The following WDR12 variants were observed in gnomAD, a reference collection of about 807,000 sequenced individuals.
WDR12 encodes ribosome biogenesis protein WDR12.
A neutral mutation model predicts 64.3 loss-of-function variants in WDR12; 42 were observed. The ratio of observed to expected loss-of-function variants is 0.65; its 90% CI spans 0.51 to 0.84. The LOEUF (loss-of-function observed/expected upper bound fraction) is 0.84. WDR12 is among the 40% of genes least tolerant of loss of function. The pLI is 0.00. For synonymous variants in WDR12, 158 were observed against 173.3 expected, an observed-to-expected ratio of 0.91 and a Z score of 0.70; for missense variants, 469 against 494.6, an observed-to-expected ratio of 0.95 and a Z score of 0.49.
Position 202,874,273 on chromosome 2 carries a change from T to C in WDR12, c.*6587A>G, listed in dbSNP as rs1309526053. Among the ~76,000 whole-genome samples the C allele has an allele frequency of 6.6e-6, 1 of 152,218 alleles. No homozygotes were observed. The highest frequency in any genetic ancestry group is 1.9e-4 in the East Asian group (1 of 5,194). On this transcript the variant is annotated 3_prime_UTR_variant, in exon 13 of 13. Transcript: ENST00000261015. ...ACCTTTAAAGTACTTTTAAATTTCA[T>C]TTAGAAGTACATTTACTGAACTGTT...
chr2:202,887,368 A>G (rs992682132), intron 8 of WDR12, among the ~76,000 whole-genome samples: 2 of 152,160 alleles, frequency 1.3e-5, no homozygotes, highest in African/African-American at 4.8e-5. Flanking sequence ...TTATAATTGT[A>G]AAAACCATCC....
At chr2:202,908,514 G>A (rs72936839) in intron 1 of WDR12, among the ~76,000 whole-genome samples, 13,455 of 152,256 alleles carry the variant, frequency 0.088, 737 homozygotes, top group Non-Finnish European at 0.12. Context: ...AAGAAGCAGT[G>A]TGGACGAAAC....
At chr2:202,893,730 T>C (rs977233996) in intron 7 of WDR12, among the ~76,000 whole-genome samples, 9 of 152,198 alleles carry the variant, frequency 5.9e-5, no homozygotes, top group African/African-American at 1.2e-4. Flanking sequence ...TAAGTATCTA[T>C]GGGTGTGTGT....
At chr2:202,897,445 A>C in intron 4 of WDR12, 30 bp from the exon 5 acceptor site, 1 of 1,365,372 alleles carries the variant, frequency 7.3e-7, no homozygotes, top group Non-Finnish European at 1.0e-6. Flanking sequence ...TATGAAACAC[A>C]AAAAGCAGTT....
chr2:202,881,617 CAA>C (rs1298273860), intron 12 of WDR12, among the ~76,000 whole-genome samples: 2 of 152,000 alleles, frequency 1.3e-5, no homozygotes, highest in African/African-American at 2.4e-5. Flanking sequence ...CACGTCTCTA[CAA>C]AAAATTTAAA....
At chr2:202,899,497 C>CA (rs551695735) in intron 4 of WDR12, 34 bp downstream of exon 4, 516 of 1,581,650 alleles carry the variant, frequency 3.3e-4, no homozygotes, top group African/African-American at 3.2e-3. Context: ...AAAAACAAAA[C>CA]AAAAAAAAGA....
At chr2:202,880,982 AATT>A in intron 12 of WDR12, 45 bp from the exon 13 acceptor site, 1 of 1,487,266 alleles carries the variant, frequency 6.7e-7, no homozygotes, top group Non-Finnish European at 9.2e-7. Context: ...AAATAAATAT[AATT>A]ATTTCACATC....
chr2:202,894,653 G>T, intron 6 of WDR12, 27 bp from the exon 7 acceptor site: 1 of 1,577,894 alleles, frequency 6.3e-7, no homozygotes, highest in Non-Finnish European at 8.6e-7. Context: ...GAAGGGAAAA[G>T]ACATATGTAA....
Position 202,882,770 on chromosome 2 carries a change from G to C in WDR12, c.1135C>G (p.Leu379Val), listed in dbSNP as rs1235995605. 29 of 1,613,914 alleles carry C rather than the reference G, an allele frequency of 1.8e-5. No individual in the cohort carries two copies. In the East Asian group the frequency reaches 5.8e-4, roughly 32 times the overall value. ...TCTTCATGAGCAGCCAGATCATAGA[G>C]AGGAGCCTTACAACTAAAAGATGAA... ...LWDTRSCKAP[L>V]YDLAAHEDKV... Residue 379 changes from leucine (L) to valine (V), a missense_variant, in exon 12 of 13, where the codon CTC becomes GTC. By Grantham distance (32) the Leu-to-Val change is conservative. Coordinates refer to ENST00000261015, the MANE Select transcript of WDR12 (RefSeq NM_018256.4).
rs1287711001 is a variant in WDR12, at chr2:202,877,107, TATATATA to T, written c.*3746_*3752del. The T allele has an allele frequency of 1.5e-4, 12 of 78,278 alleles. No homozygotes were observed. Among genetic ancestry groups the T allele is most frequent in the African/African-American group, 4.4e-4 (12 of 27,466 alleles). 4.8% of individuals were successfully genotyped at this position (78,278 alleles called of 1,614,324 possible). A position where few individuals can be genotyped will look rare whatever the true frequency, so the allele number is the denominator to read the frequency against. Reference sequence around the variant, plus strand: ...CAGAAATTCCCAGATGGTATATATATATATATATTTTTTTTTTTGCAGGGTTGCTTGT... The same window carrying T: ...CAGAAATTCCCAGATGGTATATATATTTTTTTTTTTTGCAGGGTTGCTTGT... On this transcript the variant is annotated 3_prime_UTR_variant, in exon 13 of 13. Coordinates refer to ENST00000261015, the MANE Select transcript of WDR12 (RefSeq NM_018256.4).
rs1372251262 is a variant in WDR12 at position 202,892,619 on chromosome 2, T to C, written c.739A>G (p.Arg247Gly). 1.2e-6 allele frequency: 2 copies of C among 1,611,758 alleles called. No homozygotes were observed. The highest frequency in any genetic ancestry group is 2.7e-5 in the African/African-American group (2 of 74,874). ...AGTCAGTTCTCACAAATACTGACCC[T>C]TGTTAGTCCCAACTGTTCTGTCTTC... is the stretch of plus-strand genomic sequence containing the variant. ...KQKTEQLGLT[R>G]TPIVTLSGHM... The change falls in exon 8 of 13, where the codon AGG (arginine) becomes GGG (glycine). Residue 247 changes from arginine (R) to glycine (G), a missense_variant and splice_region_variant. Arg to Gly is a moderately radical substitution (Grantham distance 125, BLOSUM62 -2). Coordinates refer to ENST00000261015, the MANE Select transcript of WDR12 (RefSeq NM_018256.4).
intron 2 of WDR12, 137 bp downstream of exon 2, chr2:202,907,728 A>G: frequency 1.6e-6 from 1 of 639,726 alleles, no homozygotes; most frequent in Admixed American, 2.7e-5. Context: ...CCAGCAGAAG[A>G]ACCTGTACTT....
rs949590032 is a variant in WDR12, at chr2:202,907,866, A to G, written c.135T>C (p.Asn45=). 6.8e-6 allele frequency: 11 copies of G among 1,611,758 alleles called. No individual in the cohort carries two copies. The Admixed American group carries it at 1.7e-4, about 24-fold the overall frequency. The change falls in exon 2 of 13, where the codon AAT becomes AAC. Residue 45 remains asparagine, a splice_region_variant and synonymous_variant. Coordinates refer to ENST00000261015, the MANE Select transcript of WDR12 (RefSeq NM_018256.4). ...NIINKLLKDK[N]EFHKHVEFDF... The stretch of plus-strand genomic sequence containing the variant: ...CCTCTCCTAAGCATATATACCCACC[A>G]TTTTTGTCCTTTAGTAGTTTATTGA...
rs546866537 is a variant in WDR12, at chr2:202,893,739, G to A, written c.655+842C>T. 8.5e-5 allele frequency among the ~76,000 whole-genome samples: 13 copies of A among 152,188 alleles called. No homozygotes were observed. The South Asian group carries it at 2.7e-3, about 32-fold the overall frequency. ...AAAATGTAAGTATCTATGGGTGTGT[G>A]TTTTTTCCTCTTTTCTTCTCATCAG... On this transcript the variant is annotated intron_variant, in intron 7 of 12. Coordinates refer to ENST00000261015, the MANE Select transcript of WDR12 (RefSeq NM_018256.4).
At chr2:202,905,645 A>C (rs2105912131) in intron 2 of WDR12, among the ~76,000 whole-genome samples, 1 of 152,360 alleles carries the variant, frequency 6.6e-6, no homozygotes, top group Non-Finnish European at 1.5e-5. Flanking sequence ...AAGTAGAGAA[A>C]TCAGGAAATC....
intron 10 of WDR12, 106 bp downstream of exon 10, chr2:202,884,092 T>A (rs1688002882): frequency 8.7e-7 from 1 of 1,149,174 alleles, no homozygotes. Context: ...ATTACAGGCA[T>A]GAGCCACCAC....
intron 2 of WDR12, among the ~76,000 whole-genome samples, chr2:202,905,618 G>C (rs1043235843): frequency 2.0e-5 from 3 of 152,174 alleles, no homozygotes; most frequent in Admixed American, 2.0e-4. Flanking sequence ...CAATAGCACT[G>C]CTAGGTATAT....
intron 2 of WDR12, among the ~76,000 whole-genome samples, chr2:202,904,805 C>T (rs1688424253): frequency 6.6e-6 from 1 of 152,162 alleles, no homozygotes; most frequent in Admixed American, 6.5e-5. Context: ...CACAGGCAAT[C>T]AAAGCAGAAA....
At chr2:202,901,370 C>T (rs1398762495) in intron 2 of WDR12, among the ~76,000 whole-genome samples, 2 of 152,162 alleles carry the variant, frequency 1.3e-5, no homozygotes, top group African/African-American at 4.8e-5. Context: ...CAATGAATCT[C>T]ATCACTATTG....
Sources: allele counts gnomAD v4.1 joint callset (sites outside exome capture counted in the v4.1 genomes callset), GRCh38; gene constraint gnomAD v4.1.1; transcripts MANE v1.5; gene names NCBI Gene and HGNC (gene_info 2026-07-23, HGNC 2026-07-21).